The following PASK variants were observed in gnomAD, a reference collection of about 807,000 sequenced individuals.
The protein encoded by PASK is PAS domain containing serine/threonine kinase.
In PASK, 110 loss-of-function variants were observed where a neutral mutation model predicts 121.0. The ratio of observed to expected loss-of-function variants is 0.91; its 90% CI spans 0.78 to 1.06. The LOEUF (loss-of-function observed/expected upper bound fraction) is 1.06, where lower values mean the gene tolerates loss of function less well. Ranked by LOEUF, PASK falls within the 50% of genes least tolerant of loss-of-function variation. PASK has a pLI of 0.00. For synonymous variants in PASK, 686 were observed against 717.8 expected (o/e 0.96, Z 0.71); for missense variants, 1,643 against 1,702.3 (o/e 0.97, Z 0.61).
intron 9 of PASK, among the ~76,000 whole-genome samples, chr2:241,130,034 G>A (rs371924686): frequency 3.7e-4 from 57 of 152,314 alleles, no homozygotes; most frequent in South Asian, 1.5e-3. Context: ...GACAACTTAC[G>A]AGGAAGCACC....
chr2:241,141,365 T>C (rs1299947710), intron 2 of PASK, among the ~76,000 whole-genome samples: 5 of 152,206 alleles, frequency 3.3e-5, no homozygotes, highest in African/African-American at 9.7e-5. Context: ...CAAGACCCCA[T>C]GGCCACTCCG....
intron 9 of PASK, among the ~76,000 whole-genome samples, chr2:241,132,291 A>G (rs1160270781): frequency 2.0e-5 from 3 of 152,042 alleles, no homozygotes; most frequent in Middle Eastern, 3.4e-3. Flanking sequence ...TTGGGAGGCC[A>G]AGGCGGGTGG....
chr2:241,119,184 G>A (rs559871925), intron 12 of PASK, among the ~76,000 whole-genome samples: 1 of 152,254 alleles, frequency 6.6e-6, no homozygotes, highest in Non-Finnish European at 1.5e-5. Context: ...GATACACATT[G>A]TATCTCTGTA....
At chr2:241,139,443 G>A in intron 4 of PASK, 1 of 456,024 alleles carries the variant, frequency 2.2e-6, no homozygotes, top group Non-Finnish European at 4.6e-6. Context: ...CATGGCACAG[G>A]TGAGAGAATC....
chr2:241,132,527 T>TTAAAAA (rs1486560170), intron 9 of PASK, among the ~76,000 whole-genome samples: 2 of 39,526 alleles, frequency 5.1e-5, no homozygotes, highest in African/African-American at 1.0e-4. Flanking sequence ...AGACTCTGTC[T>TTAAAAA]AAAAAAAAAA....
rs773199965 is a variant in PASK at position 241,126,199 on chromosome 2, G to A, written c.2716C>T (p.Leu906=). 1.1e-5 allele frequency: 17 copies of A among 1,613,914 alleles called. No homozygotes were observed. The highest frequency in any genetic ancestry group is 1.7e-5 in the Admixed American group (1 of 60,034). Residue 906 remains leucine, a synonymous_variant, in exon 10 of 18, where the codon CTG becomes TTG. Transcript: ENST00000234040. ...GSCYHRDGLR[L]SIQFEVRRVE... ...TCCTATGGGGCCCGGGACATACTCA[G>A]CCGTAAGCCATCTCGATGGTAGCAG... is the stretch of plus-strand genomic sequence containing the variant.
rs1559351854 is a variant in PASK, at chr2:241,108,230, G to C, written c.3604C>G (p.Pro1202Ala). The change falls in exon 16 of 18, where the codon CCC becomes GCC. Residue 1202 changes from proline to alanine, a missense_variant. Coordinates refer to ENST00000234040, the MANE Select transcript of PASK (RefSeq NM_015148.4). The surrounding 1 kb of genome is among the most constrained non-coding windows in gnomAD (Gnocchi z 5.2). ...ACGGTCTCCTCCAGCTCACAGAAGG[G>C]GTTCTCCTCAAAGACCAGCGTGTAC... ...TLYTLVFEEN[P>A]FCELEETVEA... 1 of 1,613,968 alleles carries C rather than the reference G, an allele frequency of 6.2e-7. No homozygotes were observed. The highest frequency in any genetic ancestry group is 1.3e-5 in the African/African-American group (1 of 75,050).
At chr2:241,139,181 C>T (rs1049937005) in intron 4 of PASK, among the ~76,000 whole-genome samples, 1 of 152,212 alleles carries the variant, frequency 6.6e-6, no homozygotes, top group African/African-American at 2.4e-5. Context: ...GACATCAGTT[C>T]AGTTCAAGCA....
intron 1 of PASK, among the ~76,000 whole-genome samples, chr2:241,143,733 G>A (rs1308992288): frequency 2.0e-5 from 3 of 152,110 alleles, no homozygotes; most frequent in Non-Finnish European, 2.9e-5. Context: ...CCATCAGCAC[G>A]TGGGGGCTGC....
At chr2:241,107,901 G>A (rs1040032938) in intron 16 of PASK, among the ~76,000 whole-genome samples, 1 of 150,452 alleles carries the variant, frequency 6.6e-6, no homozygotes, top group East Asian at 2.1e-4. Context: ...TAGGCACCAA[G>A]TCAACAGGGC....
intron 1 of PASK, among the ~76,000 whole-genome samples, chr2:241,148,871 G>C (rs1031780660): frequency 1.3e-5 from 2 of 152,216 alleles, no homozygotes; most frequent in African/African-American, 4.8e-5. Context: ...GCCTCAAGAC[G>C]GCAGCGCAGG....
rs373048417 is a variant in PASK at position 241,126,277 on chromosome 2, G to A, written c.2638C>T (p.Arg880Cys). 9.9e-6 allele frequency: 16 copies of A among 1,614,012 alleles called. No individual in the cohort carries two copies. The highest frequency in any genetic ancestry group is 3.3e-5 in the Admixed American group (2 of 60,014). ...TCCCGCTGCAGGCCAGCAGCCCCGC[G>A]CATCACGATCACGGGCGTGGAGGTG... ...QVTSTPVIVM[R>C]GAAGLQREIQ... Residue 880 changes from arginine to cysteine, a missense_variant, in exon 10 of 18, where the codon CGC becomes TGC. Physicochemically the swap from Arg to Cys is radical, Grantham distance 180. This residue lies in a region of PASK where 1,176 missense variants were observed against 1,162.2 expected (regional missense o/e 1.01). Coordinates refer to ENST00000234040, the MANE Select transcript of PASK (RefSeq NM_015148.4).
chr2:241,125,560 A>T (rs1240788560), intron 10 of PASK, among the ~76,000 whole-genome samples: 2 of 150,488 alleles, frequency 1.3e-5, no homozygotes, highest in Non-Finnish European at 3.0e-5. Context: ...AGATCGCGCT[A>T]CTGCACTCCA....
intron 1 of PASK, among the ~76,000 whole-genome samples, chr2:241,146,399 C>T (rs1208910148): frequency 1.3e-5 from 2 of 151,620 alleles, no homozygotes; most frequent in East Asian, 1.9e-4. Context: ...CCAGAATGTT[C>T]GGGACAATAT....
rs750997125 is a variant in PASK, at chr2:241,139,954, A to T, written c.531T>A (p.Asp177Glu). The change falls in exon 4 of 18, where the codon GAT becomes GAA. Residue 177 changes from aspartate to glutamate, a missense_variant. By Grantham distance (45) the Asp-to-Glu change is conservative (BLOSUM62 2). Coordinates refer to ENST00000234040, the MANE Select transcript of PASK (RefSeq NM_015148.4). ...GCTCCTCGCTGAGGGCCTCCACCAC[A>T]TCAGAATCTGACCTCAGAAAGAACT... ...LTQFFLRSDS[D>E]VVEALSEEHM... 4 of 1,614,136 alleles carry T rather than the reference A, an allele frequency of 2.5e-6. No homozygotes were observed. The highest frequency in any genetic ancestry group is 8.5e-7 in the Non-Finnish European group (1 of 1,179,974).
Position 241,106,711 on chromosome 2 carries a change from A to G in PASK, c.3827T>C (p.Leu1276Pro), listed in dbSNP as rs867710969. 2.5e-6 allele frequency: 4 copies of G among 1,614,040 alleles called. No homozygotes were observed. The African/African-American group carries it at 4.0e-5, about 16-fold the overall frequency. ...FRVNKPESGV[L>P]SAASLEMGNR... ...CCCCATCTCCAGGCTCGCAGCGGAC[A>G]GAACTCCACTTTCTGAAGAAACAAG... is the stretch of plus-strand genomic sequence containing the variant. The change falls in exon 18 of 18, where the codon CTG (leucine) becomes CCG (proline). Residue 1276 changes from leucine (L) to proline (P), a missense_variant. Leu to Pro is a moderately conservative substitution (Grantham distance 98). Transcript: ENST00000234040.
At chr2:241,149,706 T>C (rs1272681824), upstream of PASK, 2 of 1,551,336 alleles carry the variant, frequency 1.3e-6, no homozygotes, top group Non-Finnish European at 1.7e-6. Context: ...GCGATCAAAA[T>C]GGGTGAGTAG....
At chr2:241,119,037 C>T (rs3771354) in intron 12 of PASK, 45,476 of 685,090 alleles carry the variant, frequency 0.066, 1,809 homozygotes, top group African/African-American at 0.14. Context: ...AGCCCTGAGG[C>T]CCACCCCAGA....
At chr2:241,111,877 T>G (rs2125403650) in intron 15 of PASK, among the ~76,000 whole-genome samples, 1 of 152,350 alleles carries the variant, frequency 6.6e-6, no homozygotes, top group South Asian at 2.1e-4. Context: ...GGTATTTTAT[T>G]GAAATAGATA....
Sources: allele counts gnomAD v4.1 joint callset (sites outside exome capture counted in the v4.1 genomes callset), GRCh38; gene constraint gnomAD v4.1.1; regional missense constraint gnomAD v4.1.1; non-coding constraint Gnocchi (gnomAD v3.1); transcripts MANE v1.5; gene names NCBI Gene and HGNC (gene_info 2026-07-23, HGNC 2026-07-21).